Variants in UVRAG observed in about 807,000 individuals in gnomAD.
UVRAG encodes the protein UV radiation resistance associated.
UVRAG carries 19 observed loss-of-function variants against 78.0 expected under a neutral mutation model. The ratio of observed to expected loss-of-function variants is 0.24; its 90% CI spans 0.17 to 0.36. The LOEUF is 0.36. Among genes scored for constraint, UVRAG ranks in the 10% least tolerant of loss-of-function variants. The pLI is 1.00. For synonymous variants in UVRAG, 323 were observed against 324.6 expected, an observed-to-expected ratio of 1.00 and a Z score of 0.05; for missense variants, 740 against 853.8, an observed-to-expected ratio of 0.87 and a Z score of 1.66.
chr11:75,847,355 G>A (rs539702275), intron 1 of UVRAG, among the ~76,000 whole-genome samples: 1 of 151,996 alleles, frequency 6.6e-6, no homozygotes, highest in Admixed American at 6.6e-5. Flanking sequence ...TTGAACTCTT[G>A]ACCTCAAATG....
chr11:76,102,636 T>C (rs1255734278), intron 13 of UVRAG, among the ~76,000 whole-genome samples: 1 of 152,182 alleles, frequency 6.6e-6, no homozygotes, highest in Non-Finnish European at 1.5e-5. Context: ...AGGGGATCCT[T>C]GTCTCCTGCT....
chr11:75,977,119 A>G (rs1474064066), intron 7 of UVRAG, among the ~76,000 whole-genome samples: 2 of 152,014 alleles, frequency 1.3e-5, no homozygotes, highest in Non-Finnish European at 2.9e-5. Flanking sequence ...CCTTCATTTC[A>G]TTATGTACCC....
intron 11 of UVRAG, among the ~76,000 whole-genome samples, chr11:76,016,299 T>C (rs1032027361): frequency 6.6e-6 from 1 of 152,168 alleles, no homozygotes; most frequent in African/African-American, 2.4e-5. Context: ...TATGTAACCC[T>C]GTCTTTTTCA....
chr11:75,889,551 C>G (rs1361565148), intron 5 of UVRAG, among the ~76,000 whole-genome samples: 1 of 152,198 alleles, frequency 6.6e-6, no homozygotes. Context: ...CCTCTAAAGC[C>G]TGTGCTTTTT....
chr11:75,845,024 A>G (rs1229847402), intron 1 of UVRAG, among the ~76,000 whole-genome samples: 2 of 152,180 alleles, frequency 1.3e-5, no homozygotes, highest in East Asian at 3.8e-4. Context: ...TTGTATTTGA[A>G]AGATTTATAA....
chr11:75,893,131 C>T (rs1468949157), intron 5 of UVRAG, among the ~76,000 whole-genome samples: 4 of 151,014 alleles, frequency 2.6e-5, no homozygotes, highest in African/African-American at 7.3e-5. Flanking sequence ...GAGCCGAGAT[C>T]GCACCACTGC....
At chr11:75,834,310 T>A (rs1945730159) in intron 1 of UVRAG, among the ~76,000 whole-genome samples, 1 of 152,182 alleles carries the variant, frequency 6.6e-6, no homozygotes, top group African/African-American at 2.4e-5. Flanking sequence ...TCCTCATGAT[T>A]AGATTCAGAT....
chr11:75,965,079 T>C (rs1054420228), intron 7 of UVRAG, among the ~76,000 whole-genome samples: 2 of 152,206 alleles, frequency 1.3e-5, no homozygotes, highest in Admixed American at 1.3e-4. Context: ...CTGGGTTCTT[T>C]ATATTTCCAA....
At chr11:76,003,680 C>A (rs1949866586) in intron 8 of UVRAG, among the ~76,000 whole-genome samples, 1 of 152,032 alleles carries the variant, frequency 6.6e-6, no homozygotes, top group Non-Finnish European at 1.5e-5. Flanking sequence ...AGGAATTAAT[C>A]ACTCATTTTT....
At chr11:75,877,692 GGCGCCCCTC>G (rs1170965131) in intron 3 of UVRAG, among the ~76,000 whole-genome samples, 9 of 135,378 alleles carry the variant, frequency 6.6e-5, no homozygotes, top group Admixed American at 2.1e-4. Flanking sequence ...GCTGGGCAGA[GGCGCCCCTC>G]ACCTCCTGGA....
chr11:75,935,469 C>CTCTT (rs1188934630), intron 6 of UVRAG, among the ~76,000 whole-genome samples: 1 of 151,926 alleles, frequency 6.6e-6, no homozygotes, highest in Non-Finnish European at 1.5e-5. Flanking sequence ...CAATCTGTCT[C>CTCTT]TCTTTCTCTC....
At chr11:76,006,764 GT>G (rs1156904007) in intron 9 of UVRAG, among the ~76,000 whole-genome samples, 1 of 151,142 alleles carries the variant, frequency 6.6e-6, no homozygotes, top group Non-Finnish European at 1.5e-5. Flanking sequence ...CAACATATTG[GT>G]TTTTGAGGTA....
intron 1 of UVRAG, among the ~76,000 whole-genome samples, chr11:75,827,165 G>A (rs1313073410): frequency 4.0e-5 from 6 of 150,464 alleles, no homozygotes; most frequent in Non-Finnish European, 7.4e-5. Context: ...AGACTTAATA[G>A]ATCATAAAAG....
intron 1 of UVRAG, among the ~76,000 whole-genome samples, chr11:75,826,157 T>C (rs1360461557): frequency 2.6e-5 from 4 of 151,228 alleles, no homozygotes; most frequent in Admixed American, 2.6e-4. Context: ...TTCGTTTTCT[T>C]TCCTTTTTTT....
At position 75,815,412 on chromosome 11, in the gene UVRAG, G is replaced by A. The variant is rs1002326552; in HGVS notation, c.5G>A (p.Ser2Asn). 1 of 1,247,392 alleles carries A rather than the reference G, an allele frequency of 8.0e-7. No individual in the cohort carries two copies. The highest frequency in any genetic ancestry group is 1.0e-6 in the Non-Finnish European group (1 of 994,256). The allele number at this position is 1,247,392 out of a possible 1,614,324, so 77.3% of individuals were successfully genotyped here. The change falls in exon 1 of 15, where the codon AGC (serine) becomes AAC (asparagine). Residue 2 changes from serine (S) to asparagine (N), a missense_variant. Physicochemically the swap from Ser to Asn is conservative, Grantham distance 46 (BLOSUM62 1). Transcript: ENST00000356136. The part of the protein sequence containing the change: M[S>N]ASASVGGPVP... ...CTTGGCGGCCCCTGGATCGAGATGA[G>A]CGCCTCCGCGTCGGTCGGGGGCCCC...
intron 8 of UVRAG, among the ~76,000 whole-genome samples, chr11:75,985,248 T>A (rs1485561555): frequency 2.0e-5 from 3 of 151,938 alleles, no homozygotes; most frequent in African/African-American, 7.2e-5. Context: ...TAATATCCTC[T>A]TGCAGTTTTA....
intron 14 of UVRAG, among the ~76,000 whole-genome samples, chr11:76,138,734 G>A (rs983474715): frequency 3.9e-5 from 6 of 152,200 alleles, no homozygotes; most frequent in African/African-American, 7.2e-5. Context: ...TCAGTGTTCC[G>A]GGCTGTTTCA....
intron 13 of UVRAG, among the ~76,000 whole-genome samples, chr11:76,072,608 A>G (rs185189228): frequency 1.3e-3 from 191 of 152,254 alleles, no homozygotes; most frequent in Admixed American, 5.2e-3. Context: ...GTATGATATA[A>G]ATGTATAGTT....
At chr11:75,831,967 A>AT (rs1421970714) in intron 1 of UVRAG, among the ~76,000 whole-genome samples, 3 of 152,252 alleles carry the variant, frequency 2.0e-5, no homozygotes, top group African/African-American at 7.2e-5. Flanking sequence ...CATGTAATTT[A>AT]TTGAATGCTG....
Sources: gnomAD v4.1 joint callset for allele counts (sites outside exome capture counted in the v4.1 genomes callset) on GRCh38, gnomAD v4.1.1 for gene constraint, MANE v1.5 for transcripts, NCBI Gene and HGNC (gene_info 2026-07-23, HGNC 2026-07-21) for gene names.